SNX7: variants seen among roughly 807,000 people sequenced by gnomAD.
SNX7 encodes sorting nexin 7.
In SNX7, 35 loss-of-function variants were observed where a neutral mutation model predicts 48.4. The observed-to-expected ratio is 0.72, with a 90% confidence interval of 0.55 to 0.96. SNX7 has a LOEUF of 0.96. SNX7 is among the 40% of genes least tolerant of loss of function. The pLI, the probability that SNX7 is intolerant of heterozygous loss-of-function variation, is 0.00. For synonymous variants in SNX7, 190 were observed against 190.2 expected (o/e 1.00, Z 0.01); for missense variants, 553 against 548.9 (o/e 1.01, Z -0.07).
chr1:98,738,146 G>A (rs768143821), intron 7 of SNX7, 91 bp from the exon 8 acceptor site: 652 of 1,329,006 alleles, frequency 4.9e-4, no homozygotes, highest in Non-Finnish European at 6.5e-4. Flanking sequence ...TATTTAGGCT[G>A]TTTTGGTATT....
chr1:98,733,481 G>T lies in SNX7; in HGVS notation c.1126-4756G>T, dbSNP rs986496753. On this transcript the variant is annotated intron_variant, in intron 7 of 8. Coordinates refer to ENST00000306121, the MANE Select transcript of SNX7 (RefSeq NM_015976.5). The stretch of plus-strand genomic sequence containing the variant: ...GCAGGAGAAATCCCTTTAGGACCTG[G>T]CATTGCCTGCCTCTCTGTCCTTTTC... Among the ~76,000 whole-genome samples, 7 of 152,184 alleles carry T rather than the reference G, an allele frequency of 4.6e-5. 1 individual carries two copies. The highest frequency in any genetic ancestry group is 1.3e-4 in the Admixed American group (2 of 15,254).
intron 7 of SNX7, among the ~76,000 whole-genome samples, chr1:98,716,402 C>T (rs933976564): frequency 1.8e-4 from 27 of 152,282 alleles, no homozygotes; most frequent in African/African-American, 6.0e-4. Flanking sequence ...CTCCTTTTCT[C>T]CACCAGTGTG....
At chr1:98,740,284 A>G (rs1041667564) in intron 8 of SNX7, among the ~76,000 whole-genome samples, 6 of 152,186 alleles carry the variant, frequency 3.9e-5, no homozygotes, top group African/African-American at 1.4e-4. Flanking sequence ...AACTGTTTAA[A>G]TCCACAGAAC....
At chr1:98,736,919 G>T (rs551915126) in intron 7 of SNX7, among the ~76,000 whole-genome samples, 1 of 152,062 alleles carries the variant, frequency 6.6e-6, no homozygotes, top group African/African-American at 2.4e-5. Flanking sequence ...AACATATAAG[G>T]CCCCTTTTAA....
intron 8 of SNX7, among the ~76,000 whole-genome samples, chr1:98,739,663 C>T (rs1488629637): frequency 6.6e-6 from 1 of 150,546 alleles, no homozygotes; most frequent in Non-Finnish European, 1.5e-5. Context: ...ATGCAGAGAC[C>T]TGAATGATGA....
At chr1:98,739,459 C>T (rs190998344) in intron 8 of SNX7, among the ~76,000 whole-genome samples, 120 of 152,168 alleles carry the variant, frequency 7.9e-4, no homozygotes, top group African/African-American at 2.7e-3. Context: ...TAATTAAGCC[C>T]CTTCTATCAC....
intron 1 of SNX7, among the ~76,000 whole-genome samples, chr1:98,669,664 C>G (rs1365565238): frequency 6.6e-6 from 1 of 152,210 alleles, no homozygotes; most frequent in Non-Finnish European, 1.5e-5. Flanking sequence ...AAGCACTGAT[C>G]TAGGTTGGTC....
chr1:98,695,823 G>A (rs1401206512), intron 5 of SNX7, 107 bp downstream of exon 5: 3 of 845,342 alleles, frequency 3.5e-6, no homozygotes, highest in Non-Finnish European at 5.9e-6. Context: ...CAGCTTCAAA[G>A]TGTGGCTTAT....
rs148533788 is a variant in SNX7 at position 98,715,658 on chromosome 1, A to T, written c.1125+13755A>T. Among the ~76,000 whole-genome samples, 562 of 152,268 alleles carry T rather than the reference A, an allele frequency of 3.7e-3. 4 individuals carry two copies. The highest frequency in any genetic ancestry group is 0.013 in the African/African-American group (523 of 41,560). On this transcript the variant is annotated intron_variant, in intron 7 of 8. Coordinates refer to ENST00000306121, the MANE Select transcript of SNX7 (RefSeq NM_015976.5). ...TGGGACCATCTTCAAGCTGGCTTCT[A>T]TGCCCTTTTGATATGTTCACATCAT...
At chr1:98,670,882 A>G (rs1044119473) in intron 1 of SNX7, among the ~76,000 whole-genome samples, 3 of 151,748 alleles carry the variant, frequency 2.0e-5, no homozygotes, top group South Asian at 2.1e-4. Flanking sequence ...TTATTTATTT[A>G]TTTATTTATT....
At chr1:98,711,935 AATACTCACAGC>A (rs1652332183) in intron 7 of SNX7, among the ~76,000 whole-genome samples, 1 of 152,190 alleles carries the variant, frequency 6.6e-6, no homozygotes, top group African/African-American at 2.4e-5. Context: ...TCATTTTAAG[AATACTCACAGC>A]ATCTTCACCA....
At chr1:98,681,983 T>C (rs1016581822) in intron 1 of SNX7, among the ~76,000 whole-genome samples, 1 of 152,158 alleles carries the variant, frequency 6.6e-6, no homozygotes, top group Non-Finnish European at 1.5e-5. Context: ...TTGCTTTCTC[T>C]CTCCTTAACT....
intron 7 of SNX7, 28 bp from the exon 8 acceptor site, chr1:98,738,209 A>G (rs1401292082): frequency 3.7e-6 from 6 of 1,605,688 alleles, no homozygotes; most frequent in African/African-American, 2.7e-5. Context: ...TCATAGATCA[A>G]TGTATCTCTC....
At chr1:98,662,506 C>T (rs1274281547) in intron 1 of SNX7, 1 of 382,000 alleles carries the variant, frequency 2.6e-6, no homozygotes, top group African/African-American at 2.1e-5. Context: ...CAGCTACTGC[C>T]ACCCAACCCA....
In SNX7 at chr1:98,662,147, C is replaced by A. The variant is rs149767221; in HGVS notation, c.180+236C>A. 351 of 373,914 alleles carry A rather than the reference C, an allele frequency of 9.4e-4. 3 individuals are homozygous for A. The highest frequency in any genetic ancestry group is 6.3e-3 in the African/African-American group (304 of 47,948). The allele number at this position is 373,914 out of a possible 1,614,324, so 23.2% of individuals were successfully genotyped here. A position where few individuals can be genotyped will look rare whatever the true frequency, so the allele number is the denominator to read the frequency against. On this transcript the variant is annotated intron_variant, in intron 1 of 8. Coordinates refer to ENST00000306121, the MANE Select transcript of SNX7 (RefSeq NM_015976.5). ...CTCCCTCCTCCGCACTTTGACCTTC[C>A]GTTCGGCGGGGCTGTGGCTTAGTGG...
chr1:98,711,456 A>G (rs1652302268), intron 7 of SNX7, among the ~76,000 whole-genome samples: 1 of 152,220 alleles, frequency 6.6e-6, no homozygotes, highest in African/African-American at 2.4e-5. Context: ...TCAGTTTCAG[A>G]CTGCCACAAT....
chr1:98,693,196 GGA>G (rs1651244464), intron 4 of SNX7, among the ~76,000 whole-genome samples: 2 of 151,990 alleles, frequency 1.3e-5, no homozygotes, highest in African/African-American at 2.4e-5. Flanking sequence ...ATGGATGGAT[GGA>G]TGGACGGACA....
At chr1:98,718,509 G>T (rs181438431) in intron 7 of SNX7, among the ~76,000 whole-genome samples, 9 of 151,904 alleles carry the variant, frequency 5.9e-5, no homozygotes, top group African/African-American at 2.2e-4. Flanking sequence ...CATTCATCCC[G>T]TAAGATATAT....
At chr1:98,691,933 ACACACTCT>A (rs1557800709) in intron 4 of SNX7, among the ~76,000 whole-genome samples, 1 of 108,592 alleles carries the variant, frequency 9.2e-6, no homozygotes, top group African/African-American at 3.7e-5. Flanking sequence ...ACACACACAC[ACACACTCT>A]CTCTCTCTCT....
Sources: gnomAD v4.1 joint callset for allele counts (sites outside exome capture counted in the v4.1 genomes callset) on GRCh38, gnomAD v4.1.1 for gene constraint, MANE v1.5 for transcripts, NCBI Gene and HGNC (gene_info 2026-07-23, HGNC 2026-07-21) for gene names.